The following SLC39A11 variants were observed in gnomAD, a reference collection of about 807,000 sequenced individuals.
SLC39A11 encodes zinc transporter ZIP11.
A neutral mutation model predicts 36.1 loss-of-function variants in SLC39A11; 33 were observed. That is an observed-to-expected ratio of 0.91 (90% CI 0.69 to 1.22). The LOEUF (loss-of-function observed/expected upper bound fraction) is 1.22, where lower values mean the gene tolerates loss of function less well. Ranked by LOEUF, SLC39A11 falls within the 50% of genes most tolerant of loss-of-function variation. The pLI is 0.00. For missense variants in SLC39A11, 432 were observed against 430.3 expected, an observed-to-expected ratio of 1.00 and a Z score of -0.03; for synonymous variants, 166 against 170.3, an observed-to-expected ratio of 0.97 and a Z score of 0.20.
chr17:72,770,069 G>A (rs2075883171), intron 6 of SLC39A11, among the ~76,000 whole-genome samples: 1 of 152,118 alleles, frequency 6.6e-6, no homozygotes, highest in African/African-American at 2.4e-5. Flanking sequence ...GACCACCTTG[G>A]GCACATGTCA....
At chr17:72,984,663 A>G (rs1040016744) in intron 4 of SLC39A11, among the ~76,000 whole-genome samples, 2 of 152,176 alleles carry the variant, frequency 1.3e-5, no homozygotes, top group Non-Finnish European at 2.9e-5. Flanking sequence ...GGGGATTCTC[A>G]TGCACTCTCA....
At chr17:73,039,300 T>C (rs1265538595) in intron 3 of SLC39A11, among the ~76,000 whole-genome samples, 2 of 152,072 alleles carry the variant, frequency 1.3e-5, no homozygotes, top group East Asian at 3.9e-4. Flanking sequence ...CATCTTGCGC[T>C]ATACCCCACT....
intron 7 of SLC39A11, among the ~76,000 whole-genome samples, chr17:72,705,256 C>T (rs2072839847): frequency 6.6e-6 from 1 of 152,160 alleles, no homozygotes; most frequent in Non-Finnish European, 1.5e-5. Context: ...ATAGTGAAGA[C>T]AGTGGGGAAA....
intron 2 of SLC39A11, among the ~76,000 whole-genome samples, chr17:73,085,868 T>A (rs1440684900): frequency 6.6e-6 from 1 of 152,086 alleles, no homozygotes; most frequent in Non-Finnish European, 1.5e-5. Context: ...AACAGTAGGA[T>A]GGATATGTTA....
intron 7 of SLC39A11, among the ~76,000 whole-genome samples, chr17:72,687,636 T>C (rs1055186719): frequency 1.3e-5 from 2 of 152,124 alleles, no homozygotes; most frequent in Non-Finnish European, 2.9e-5. Flanking sequence ...TTGAAAACCA[T>C]TGCTGAAAAT....
intron 4 of SLC39A11, among the ~76,000 whole-genome samples, chr17:72,959,364 T>TATATAC (rs1375295540): frequency 7.2e-6 from 1 of 138,984 alleles, no homozygotes; most frequent in African/African-American, 2.6e-5. Flanking sequence ...TATATATATA[T>TATATAC]ATGATCGAAT....
intron 3 of SLC39A11, among the ~76,000 whole-genome samples, chr17:73,064,628 G>C (rs1405538038): frequency 6.6e-6 from 1 of 152,114 alleles, no homozygotes; most frequent in East Asian, 1.9e-4. Context: ...TGCCCAGAGA[G>C]GAGGTCCCCC....
chr17:72,758,104 T>G (rs1436998435), intron 6 of SLC39A11, among the ~76,000 whole-genome samples: 1 of 152,126 alleles, frequency 6.6e-6, no homozygotes, highest in East Asian at 1.9e-4. Flanking sequence ...CAGGCTGGTT[T>G]GGAACTCCTG....
At chr17:72,934,485 G>A (rs1280435401) in intron 5 of SLC39A11, among the ~76,000 whole-genome samples, 1 of 152,172 alleles carries the variant, frequency 6.6e-6, no homozygotes, top group South Asian at 2.1e-4. Context: ...GACCAATATG[G>A]TGAAACCCCG....
chr17:72,941,561 T>TG (rs1203246630), intron 5 of SLC39A11, among the ~76,000 whole-genome samples: 1 of 151,558 alleles, frequency 6.6e-6, no homozygotes, highest in Non-Finnish European at 1.5e-5. Context: ...ACTGTGTTTT[T>TG]TTTTTTTTTT....
At chr17:72,751,051 A>T (rs528456229) in intron 6 of SLC39A11, among the ~76,000 whole-genome samples, 1 of 152,332 alleles carries the variant, frequency 6.6e-6, no homozygotes, top group South Asian at 2.1e-4. Flanking sequence ...GTTCAAGATC[A>T]GCCTGGCCAA....
At chr17:72,790,222 A>AC (rs1236074988) in intron 6 of SLC39A11, among the ~76,000 whole-genome samples, 1 of 152,020 alleles carries the variant, frequency 6.6e-6, no homozygotes, top group Non-Finnish European at 1.5e-5. Context: ...ACTGGTACAC[A>AC]CCCCCAGCCA....
At chr17:72,985,917 A>G (rs903838909) in intron 4 of SLC39A11, among the ~76,000 whole-genome samples, 2 of 152,108 alleles carry the variant, frequency 1.3e-5, no homozygotes, top group African/African-American at 4.8e-5. Flanking sequence ...TTCCTTATAA[A>G]AAGGAGAAAT....
chr17:72,947,579 T>C, intron 5 of SLC39A11, 173 bp downstream of exon 5: 1 of 876,684 alleles, frequency 1.1e-6, no homozygotes. Context: ...ATGAAGGTGC[T>C]GGGCCAGATG....
chr17:72,861,774 A>C (rs1343652104), intron 5 of SLC39A11, among the ~76,000 whole-genome samples: 2 of 92,896 alleles, frequency 2.2e-5, no homozygotes, highest in East Asian at 7.8e-4. Context: ...ATATATATAT[A>C]TATATATATC....
chr17:72,741,318 A>G (rs1198919988), intron 6 of SLC39A11, among the ~76,000 whole-genome samples: 1 of 152,178 alleles, frequency 6.6e-6, no homozygotes, highest in Non-Finnish European at 1.5e-5. Flanking sequence ...CAGCCTCTCA[A>G]AGTGCTGAGA....
At chr17:73,010,080 T>C (rs2090428634) in intron 4 of SLC39A11, among the ~76,000 whole-genome samples, 1 of 152,140 alleles carries the variant, frequency 6.6e-6, no homozygotes, top group Non-Finnish European at 1.5e-5. Context: ...GCTACCTGCC[T>C]TTCTGGACTG....
At chr17:72,978,657 T>C (rs547341076) in intron 4 of SLC39A11, among the ~76,000 whole-genome samples, 9 of 150,922 alleles carry the variant, frequency 6.0e-5, no homozygotes, top group Non-Finnish European at 7.4e-5. Flanking sequence ...AGCATGGAAG[T>C]GGAGGTGAGG....
intron 6 of SLC39A11, among the ~76,000 whole-genome samples, chr17:72,764,590 C>T (rs529536996): frequency 3.3e-5 from 5 of 152,082 alleles, no homozygotes; most frequent in South Asian, 2.1e-4. Context: ...AAAACCTACA[C>T]GGCATGGTCA....
Sources: allele counts gnomAD v4.1 joint callset (sites outside exome capture counted in the v4.1 genomes callset), GRCh38; gene constraint gnomAD v4.1.1; transcripts MANE v1.5; gene names NCBI Gene and HGNC (gene_info 2026-07-23, HGNC 2026-07-21).